Variants in RORA observed in about 807,000 individuals in gnomAD.
RORA encodes RAR related orphan receptor A.
In RORA, 7 loss-of-function variants were observed where a neutral mutation model predicts 69.5. That is an observed-to-expected ratio of 0.10 (90% CI 0.06 to 0.19). RORA has a LOEUF of 0.19. Among genes scored for constraint, RORA ranks in the 10% least tolerant of loss-of-function variants. The probability of loss-of-function intolerance (pLI) is 1.00; values close to 1 mark genes in which losing one functional copy is unlikely to be tolerated. For missense variants in RORA, 457 were observed against 663.0 expected, an observed-to-expected ratio of 0.69 and a Z score of 3.41; for synonymous variants, 261 against 240.8, an observed-to-expected ratio of 1.08 and a Z score of -0.78.
At chr15:60,706,827 G>T (rs1323172726) in intron 1 of RORA, among the ~76,000 whole-genome samples, 1 of 152,184 alleles carries the variant, frequency 6.6e-6, no homozygotes, top group Non-Finnish European at 1.5e-5. Flanking sequence ...TCTCTGCAGA[G>T]TTGGGGCTCA....
At chr15:60,623,021 A>C (rs1490412494) in intron 2 of RORA, among the ~76,000 whole-genome samples, 1 of 152,182 alleles carries the variant, frequency 6.6e-6, no homozygotes, top group African/African-American at 2.4e-5. Flanking sequence ...CGGCCATGTC[A>C]TAATCTTTGA....
intron 2 of RORA, among the ~76,000 whole-genome samples, chr15:60,544,133 C>T (rs1203894027): frequency 1.3e-5 from 2 of 152,128 alleles, no homozygotes; most frequent in African/African-American, 4.8e-5. Flanking sequence ...GCTTTGTGAC[C>T]CTCTTTCTCC....
Position 60,497,619 on chromosome 15 carries a change from A to C in RORA, c.1408T>G (p.Leu470Val). The C allele has an allele frequency of 1.2e-6, 2 of 1,609,568 alleles. No individual in the cohort carries two copies. The highest frequency in any genetic ancestry group is 1.7e-6 in the Non-Finnish European group (2 of 1,175,912). The change falls in exon 11 of 11, where the codon TTA becomes GTA. Residue 470 changes from leucine to valine, a missense_variant and splice_region_variant. Physicochemically the swap from Leu to Val is conservative, Grantham distance 32. This residue lies in a region of RORA where 304 missense variants were observed against 447.4 expected (regional missense o/e 0.68). Transcript: ENST00000335670. ...CTTAAGGTAGACACCTTGCATATTA[A>C]CTGTAAGTGAAAGAAAGGACACACC... The part of the protein sequence containing the change: ...NHREDGILTK[L>V]ICKVSTLRAL...
At chr15:60,803,524 G>C (rs7174252) in intron 1 of RORA, among the ~76,000 whole-genome samples, 2,412 of 152,302 alleles carry the variant, frequency 0.016, 75 homozygotes, top group African/African-American at 0.054. Context: ...AAAAGGCAAG[G>C]AATTGAACAG....
chr15:60,655,686 G>A (rs943923687), intron 2 of RORA, among the ~76,000 whole-genome samples: 2 of 152,074 alleles, frequency 1.3e-5, no homozygotes, highest in African/African-American at 4.8e-5. Context: ...TGTCTCTTTG[G>A]ATGTTCATTT....
intron 1 of RORA, among the ~76,000 whole-genome samples, chr15:60,694,577 A>C (rs957391525): frequency 6.6e-6 from 1 of 152,234 alleles, no homozygotes; most frequent in African/African-American, 2.4e-5. Flanking sequence ...ATTTGTGAGC[A>C]AGAGATATAA....
At chr15:60,622,867 C>G (rs2069455113) in intron 2 of RORA, among the ~76,000 whole-genome samples, 1 of 151,948 alleles carries the variant, frequency 6.6e-6, no homozygotes, top group African/African-American at 2.4e-5. Flanking sequence ...AGGCATGCAC[C>G]ACCACACCTG....
At chr15:60,855,083 G>T (rs1417436709) in intron 1 of RORA, among the ~76,000 whole-genome samples, 1 of 152,224 alleles carries the variant, frequency 6.6e-6, no homozygotes. Flanking sequence ...TGTCTGTGTG[G>T]CTGACCACAT....
intron 2 of RORA, among the ~76,000 whole-genome samples, chr15:60,667,865 T>C (rs1402683305): frequency 2.0e-5 from 3 of 152,098 alleles, no homozygotes; most frequent in African/African-American, 7.2e-5. Context: ...TCAAGTGCTC[T>C]ACCTGCCTCA....
chr15:61,214,783 A>T (rs2080023409), intron 1 of RORA, among the ~76,000 whole-genome samples: 1 of 151,978 alleles, frequency 6.6e-6, no homozygotes, highest in Non-Finnish European at 1.5e-5. Context: ...TTACTGCCAA[A>T]CTATCCCCTG....
intron 1 of RORA, among the ~76,000 whole-genome samples, chr15:60,704,424 C>A (rs1291726173): frequency 2.0e-5 from 3 of 152,096 alleles, no homozygotes; most frequent in African/African-American, 7.3e-5. Context: ...GAGGCACACT[C>A]CTAGAGGGTG....
chr15:61,053,577 C>CCTGGAT (rs1017316521), intron 1 of RORA, among the ~76,000 whole-genome samples: 42 of 151,994 alleles, frequency 2.8e-4, no homozygotes, highest in Non-Finnish European at 4.4e-4. Context: ...CCCTCCTGGA[C>CCTGGAT]CTGGATCTGG....
chr15:61,212,875 TG>T (rs1478075811), intron 1 of RORA, among the ~76,000 whole-genome samples: 1 of 152,216 alleles, frequency 6.6e-6, no homozygotes, highest in Non-Finnish European at 1.5e-5. Context: ...ACCTCATAGA[TG>T]TAAAAATTCA....
At chr15:60,729,404 G>A (rs778277916) in intron 1 of RORA, among the ~76,000 whole-genome samples, 74 of 152,088 alleles carry the variant, frequency 4.9e-4, no homozygotes, top group Non-Finnish European at 1.0e-3. Flanking sequence ...GGAGAAGTGG[G>A]GACAACAGAG....
intron 2 of RORA, among the ~76,000 whole-genome samples, chr15:60,576,643 G>A (rs2068034844): frequency 6.6e-6 from 1 of 152,166 alleles, no homozygotes; most frequent in African/African-American, 2.4e-5. Flanking sequence ...TGTTAGTCGA[G>A]GGCTTAGCCT....
intron 1 of RORA, among the ~76,000 whole-genome samples, chr15:61,115,238 T>C (rs560772699): frequency 4.0e-5 from 6 of 151,610 alleles, no homozygotes; most frequent in Non-Finnish European, 8.8e-5. Context: ...CTGCCTTTAC[T>C]GGGAGGTGCT....
chr15:60,998,701 C>T (rs925368718), intron 1 of RORA, among the ~76,000 whole-genome samples: 4 of 132,604 alleles, frequency 3.0e-5, no homozygotes, highest in Non-Finnish European at 7.0e-5. Flanking sequence ...ACCCACCCCA[C>T]CATGTATATT....
At chr15:60,908,162 G>C (rs1891599441) in intron 1 of RORA, among the ~76,000 whole-genome samples, 1 of 152,210 alleles carries the variant, frequency 6.6e-6, no homozygotes, top group Non-Finnish European at 1.5e-5. Context: ...ATGCTGGTGA[G>C]GCCTGCCTCT....
At chr15:60,573,448 A>G (rs2067940249) in intron 2 of RORA, among the ~76,000 whole-genome samples, 2 of 152,138 alleles carry the variant, frequency 1.3e-5, no homozygotes, top group Admixed American at 6.5e-5. Flanking sequence ...ATCTCTTGAA[A>G]TAATTAAGGG....
Sources: gnomAD v4.1 joint callset for allele counts (sites outside exome capture counted in the v4.1 genomes callset) on GRCh38, gnomAD v4.1.1 for gene constraint, gnomAD v4.1.1 regional missense constraint, MANE v1.5 for transcripts, NCBI Gene and HGNC (gene_info 2026-07-23, HGNC 2026-07-21) for gene names.